COMMD3: variants seen among roughly 807,000 people sequenced by gnomAD.
COMMD3 encodes the protein COMM domain-containing protein 3.
In COMMD3, 31 loss-of-function variants were observed where a neutral mutation model predicts 31.2. The observed-to-expected ratio is 0.99, with a 90% CI of 0.75 to 1.34. COMMD3 has a LOEUF of 1.34. COMMD3 is among the 40% of genes most tolerant of loss of function. COMMD3 has a pLI of 0.00. For synonymous variants in COMMD3, 108 were observed against 87.3 expected (o/e 1.24, Z -1.32); for missense variants, 274 against 236.9 (o/e 1.16, Z -1.03).
chr10:22,319,691 C>A, intron 7 of COMMD3: 2 of 387,982 alleles, frequency 5.2e-6, no homozygotes, highest in East Asian at 5.1e-5. Flanking sequence ...TCAGATGTAT[C>A]TGGGCGGTTA....
At chr10:22,318,546 AT>A in intron 4 of COMMD3, 106 bp from the exon 5 acceptor site, 1 of 1,164,572 alleles carries the variant, frequency 8.6e-7, no homozygotes, top group Non-Finnish European at 1.3e-6. Context: ...TTCAGAATGG[AT>A]TAAAATGGAG....
intron 1 of COMMD3, 172 bp downstream of exon 1, chr10:22,316,728 A>C: frequency 8.2e-7 from 1 of 1,219,108 alleles, no homozygotes; most frequent in Non-Finnish European, 1.1e-6. Context: ...CTCGGAGCAG[A>C]CTCTGAGCAT....
Position 22,320,017 on chromosome 10 carries a change from C to G in COMMD3, c.*19C>G. The G allele has an allele frequency of 6.2e-7, 1 of 1,614,114 alleles. No homozygotes were observed. The highest frequency in any genetic ancestry group is 2.2e-5 in the East Asian group (1 of 44,874). On this transcript the variant is annotated 3_prime_UTR_variant, in exon 8 of 8. Coordinates refer to ENST00000376836, the MANE Select transcript of COMMD3 (RefSeq NM_012071.4). ...GTTGTAACTTGGGGAAGTTAACGATCCGCCCGAGTGCAGAGGAAAACCAGA... is the reference window on the plus strand; with the variant it reads ...GTTGTAACTTGGGGAAGTTAACGATGCGCCCGAGTGCAGAGGAAAACCAGA...
At position 22,316,563 on chromosome 10, in the gene COMMD3, CGCTCG is replaced by C; in HGVS notation, c.139+19_139+23del. ...GCGGACGAGGCCGTGTTAGGTAAGC[CGCTCG>C]GCTCGGCTCGGAGCTGGATCCGCCG... is the stretch of plus-strand genomic sequence containing the variant. On this transcript the variant is annotated splice_region_variant and intron_variant, in intron 1 of 7. Transcript: ENST00000376836. The C allele has an allele frequency of 6.5e-7, 1 of 1,544,886 alleles. No homozygotes were observed. The highest frequency in any genetic ancestry group is 1.4e-5 in the African/African-American group (1 of 72,926).
At chr10:22,318,084 C>CT (rs528306454) in intron 2 of COMMD3, 21 bp from the exon 3 acceptor site, 93 of 1,597,684 alleles carry the variant, frequency 5.8e-5, no homozygotes, top group East Asian at 2.5e-4. Context: ...AGAACTTTGG[C>CT]TTTTTTTTTC....
chr10:22,317,687 G>T, intron 1 of COMMD3, 197 bp from the exon 2 acceptor site: 1 of 474,326 alleles, frequency 2.1e-6, no homozygotes. Context: ...AGTAATAGTA[G>T]AGTTCTTGTT....
chr10:22,318,653 T>C lies in COMMD3; in HGVS notation c.351T>C (p.Ser117=), dbSNP rs766369632. Residue 117 remains serine (S), a splice_region_variant and synonymous_variant, in exon 5 of 8, where the codon AGT becomes AGC. Transcript: ENST00000376836. ...NKNSLEILLG[S]IGRSLPHITD... is the part of the protein sequence containing the mutation. ...ACGAAGTTATCATTGCATCTTTCAG[T>C]ATAGGCAGATCTCTCCCTCATATAA... The C allele has an allele frequency of 1.8e-5, 29 of 1,611,160 alleles. No homozygotes were observed. The South Asian group carries it at 3.2e-4, about 18-fold the overall frequency.
chr10:22,320,244 A>G lies in COMMD3; in HGVS notation c.*246A>G. 1 of 1,056,512 alleles carries G rather than the reference A, an allele frequency of 9.5e-7. No individual in the cohort carries two copies. The highest frequency in any genetic ancestry group is 1.7e-5 in the South Asian group (1 of 59,320). The allele number at this position is 1,056,512 out of a possible 1,614,324, so 65.4% of individuals were successfully genotyped here. On this transcript the variant is annotated 3_prime_UTR_variant, in exon 8 of 8. Transcript: ENST00000376836. ...ATTTATCCTATTTTGATCTTTTTCAAGTCTTCTGAAAGGAAGTAGACAGTA... is the reference window on the plus strand; with the variant it reads ...ATTTATCCTATTTTGATCTTTTTCAGGTCTTCTGAAAGGAAGTAGACAGTA...
chr10:22,316,524 T>G lies in COMMD3; in HGVS notation c.107T>G (p.Leu36Arg). 6.5e-7 allele frequency: 1 copy of G among 1,549,784 alleles called. No homozygotes were observed. Among genetic ancestry groups the G allele is most frequent in the Non-Finnish European group, 8.7e-7 (1 of 1,146,264 alleles). Residue 36 changes from leucine (L) to arginine (R), a missense_variant, in exon 1 of 8, where the codon CTG becomes CGG. Leu to Arg is a moderately radical substitution (Grantham distance 102). Transcript: ENST00000376836. ...TLLLRAAFQS[L>R]LDAQADEAVL... The stretch of plus-strand genomic sequence containing the variant: ...CTCCTCCGGGCGGCATTCCAGAGTC[T>G]GCTGGACGCCCAGGCGGACGAGGCC...
intron 7 of COMMD3, 84 bp downstream of exon 7, chr10:22,319,102 AT>A (rs1171924471): frequency 9.9e-6 from 14 of 1,416,806 alleles, no homozygotes; most frequent in Non-Finnish European, 1.3e-5. Context: ...TCAAAAGAAA[AT>A]TAATCTAACC....
At position 22,317,974 on chromosome 10, in the gene COMMD3, G is replaced by A. The variant is rs773794310; in HGVS notation, c.230G>A (p.Arg77Gln). 4.3e-6 allele frequency: 7 copies of A among 1,613,846 alleles called. No homozygotes were observed. Among genetic ancestry groups the A allele is most frequent in the Non-Finnish European group, 4.2e-6 (5 of 1,179,898 alleles). The stretch of plus-strand genomic sequence containing the variant: ...TACATACTAGAGGCAGGAAAGCACC[G>A]AGCTGACAAGTCAACTCTAAGGTAC... The part of the protein sequence containing the change: ...ATYILEAGKH[R>Q]ADKSTLSTYL... Residue 77 changes from arginine (R) to glutamine (Q), a missense_variant, in exon 2 of 8, where the codon CGA (arginine) becomes CAA (glutamine). Physicochemically the swap from Arg to Gln is conservative, Grantham distance 43 (BLOSUM62 1). Transcript: ENST00000376836.
At chr10:22,318,439 A>C (rs1168611052) in intron 4 of COMMD3, 133 bp downstream of exon 4, 5 of 1,294,360 alleles carry the variant, frequency 3.9e-6, no homozygotes, top group Non-Finnish European at 5.4e-6. Context: ...AAGCAATTGA[A>C]GTTAAGCTCA....
chr10:22,319,788 CG>C, intron 7 of COMMD3, 150 bp from the exon 8 acceptor site: 1 of 908,170 alleles, frequency 1.1e-6, no homozygotes, highest in Non-Finnish European at 1.6e-6. Context: ...TTTTTTTGCC[CG>C]ATAGTAGTTT....
chr10:22,316,597 T>G (rs914363264), intron 1 of COMMD3, 41 bp downstream of exon 1: 8 of 1,442,790 alleles, frequency 5.5e-6, no homozygotes, highest in Non-Finnish European at 7.4e-6. Context: ...TCCGCCGGGG[T>G]GGAGGGGCGC....
chr10:22,317,741 A>C, intron 1 of COMMD3, 143 bp from the exon 2 acceptor site: 1 of 702,806 alleles, frequency 1.4e-6, no homozygotes, highest in South Asian at 2.4e-5. Flanking sequence ...TGCTCATCTC[A>C]TTTACTTATA....
At position 22,316,406 on chromosome 10, in the gene COMMD3, G is replaced by T; in HGVS notation, c.-12G>T. ...ACGTGGTGTGCGTGTCGAAGGTCAC[G>T]GCGCGCTCACAATGGAGCTCTCGGA... is the stretch of plus-strand genomic sequence containing the variant. On this transcript the variant is annotated 5_prime_UTR_variant, in exon 1 of 8. Coordinates refer to ENST00000376836, the MANE Select transcript of COMMD3 (RefSeq NM_012071.4). 6.7e-7 allele frequency: 1 copy of T among 1,494,056 alleles called. No homozygotes were observed. The allele number at this position is 1,494,056 out of a possible 1,614,324, so 92.5% of individuals were successfully genotyped here. A position where few individuals can be genotyped will look rare whatever the true frequency, so the allele number is the denominator to read the frequency against.
chr10:22,316,898 A>T (rs1328824029), intron 1 of COMMD3: 1 of 173,308 alleles, frequency 5.8e-6, no homozygotes, highest in Non-Finnish European at 1.2e-5. Context: ...GGCTGTTTTG[A>T]CAGTTGGACT....
In COMMD3 at chr10:22,320,060, T is replaced by G. The variant is rs1225532558; in HGVS notation, c.*62T>G. On this transcript the variant is annotated 3_prime_UTR_variant, in exon 8 of 8. Coordinates refer to ENST00000376836, the MANE Select transcript of COMMD3 (RefSeq NM_012071.4). ...AAACCAGAAACGCCTTGCCTTCAGCTGAACCACCGTTTGTGCGAGCTGGAT... is the reference window on the plus strand; with the variant it reads ...AAACCAGAAACGCCTTGCCTTCAGCGGAACCACCGTTTGTGCGAGCTGGAT... 1.2e-6 allele frequency: 2 copies of G among 1,613,732 alleles called. No homozygotes were observed. Among genetic ancestry groups the G allele is most frequent in the Non-Finnish European group, 1.7e-6 (2 of 1,179,858 alleles).
At chr10:22,316,900 A>G in intron 1 of COMMD3, 1 of 172,694 alleles carries the variant, frequency 5.8e-6, no homozygotes, top group Non-Finnish European at 1.2e-5. Flanking sequence ...CTGTTTTGAC[A>G]GTTGGACTTC....
Sources: allele counts gnomAD v4.1 joint callset, GRCh38; gene constraint gnomAD v4.1.1; transcripts MANE v1.5; gene names NCBI Gene and HGNC (gene_info 2026-07-23, HGNC 2026-07-21).